The following TNS3 variants were observed in gnomAD, a reference collection of about 807,000 sequenced individuals.
The protein encoded by TNS3 is tensin-3.
A neutral mutation model predicts 140.9 loss-of-function variants in TNS3; 45 were observed. The ratio of observed to expected loss-of-function variants is 0.32; its 90% CI spans 0.25 to 0.41. TNS3 has a LOEUF of 0.41. Among genes scored for constraint, TNS3 ranks in the 10% least tolerant of loss-of-function variants. The pLI is 1.00. For missense variants in TNS3, 1,716 were observed against 1,906.7 expected (o/e 0.90, Z 1.86); for synonymous variants, 815 against 788.4 (o/e 1.03, Z -0.56).
intron 20 of TNS3, among the ~76,000 whole-genome samples, chr7:47,326,484 T>TA (rs1338316771): frequency 1.3e-5 from 2 of 151,978 alleles, no homozygotes; most frequent in Non-Finnish European, 2.9e-5. Context: ...CCCTGGGGAT[T>TA]AGGAAGGCAC....
rs199972731 is a variant in TNS3, at chr7:47,400,789, G to A, written c.849C>T (p.Ser283=). ...VFGKEDLDNA[S]KDDRFPDYGK... The stretch of plus-strand genomic sequence containing the variant: ...GCCGCCAGCTCCGCGCCTCACCTTT[G>A]CTGGCATTGTCCAGATCCTCCTTCC... The change falls in exon 14 of 31, where the codon AGC becomes AGT. Residue 283 remains serine, a synonymous_variant. Transcript: ENST00000311160. The A allele has an allele frequency of 3.1e-5, 50 of 1,613,926 alleles. No individual in the cohort carries two copies. The Middle Eastern group carries it at 8.2e-4, about 27-fold the overall frequency.
At chr7:47,304,245 G>A (rs925295119) in intron 21 of TNS3, among the ~76,000 whole-genome samples, 4 of 152,146 alleles carry the variant, frequency 2.6e-5, no homozygotes, top group East Asian at 1.9e-4. Flanking sequence ...AACCACTTAC[G>A]AGTACGGAAA....
At chr7:47,471,404 G>A (rs913531661) in intron 4 of TNS3, among the ~76,000 whole-genome samples, 20 of 152,274 alleles carry the variant, frequency 1.3e-4, no homozygotes, top group African/African-American at 4.1e-4. Context: ...AAGGGCAGCC[G>A]TCCTGGGTCC....
intron 1 of TNS3, among the ~76,000 whole-genome samples, chr7:47,575,242 T>C (rs2152024062): frequency 6.6e-6 from 1 of 152,336 alleles, no homozygotes; most frequent in South Asian, 2.1e-4. Context: ...GTCATATTTA[T>C]GCAGAGCTAT....
At chr7:47,321,992 C>G (rs535727882) in intron 20 of TNS3, among the ~76,000 whole-genome samples, 2 of 152,022 alleles carry the variant, frequency 1.3e-5, no homozygotes, top group East Asian at 3.9e-4. Context: ...GAGGACTTCC[C>G]GACCCTCCCA....
rs150106588 is a variant in TNS3, at chr7:47,431,589, C to T, written c.325-3213G>A. On this transcript the variant is annotated intron_variant, in intron 8 of 30. Transcript: ENST00000311160. ...GCCTGGTGACAGAGTGAGACTCCGT[C>T]TCAAAAAACAAAACAAAACACAAAA... Among the ~76,000 whole-genome samples the T allele has an allele frequency of 2.7e-3, 409 of 152,122 alleles. 21 individuals are homozygous for T. In the East Asian group the frequency reaches 0.075, roughly 28 times the overall value.
chr7:47,426,680 A>G (rs1278272424), intron 9 of TNS3, among the ~76,000 whole-genome samples: 2 of 152,134 alleles, frequency 1.3e-5, no homozygotes, highest in African/African-American at 4.8e-5. Context: ...CAGCTGAAAT[A>G]CATATTGACT....
At chr7:47,477,593 G>C (rs80317525) in intron 4 of TNS3, among the ~76,000 whole-genome samples, 2 of 152,150 alleles carry the variant, frequency 1.3e-5, no homozygotes, top group African/African-American at 4.8e-5. Flanking sequence ...AGACAGAATA[G>C]GTACTCAATG....
chr7:47,393,672 G>A (rs1236966066), intron 16 of TNS3, among the ~76,000 whole-genome samples: 3 of 152,148 alleles, frequency 2.0e-5, no homozygotes, highest in Non-Finnish European at 4.4e-5. Context: ...TCCCTGAGGA[G>A]TCTGGGCATG....
At chr7:47,408,100 G>A (rs1225149459) in intron 13 of TNS3, among the ~76,000 whole-genome samples, 1 of 152,124 alleles carries the variant, frequency 6.6e-6, no homozygotes, top group African/African-American at 2.4e-5. Context: ...ACAGGTAGAA[G>A]ACCAGGAGGA....
Position 47,439,628 on chromosome 7 carries a change from C to T in TNS3, c.9G>A (p.Glu3=). The T allele has an allele frequency of 6.2e-7, 1 of 1,614,054 alleles. No homozygotes were observed. Among genetic ancestry groups the T allele is most frequent in the Non-Finnish European group, 8.5e-7 (1 of 1,179,974 alleles). ME[E]GHGLDLTYIT... is the part of the protein sequence containing the mutation. The stretch of plus-strand genomic sequence containing the variant: ...TGTAAGTGAGGTCCAGCCCATGGCC[C>T]TCCTCCATGGTGGGACTCAGGATGA... Residue 3 remains glutamate, a synonymous_variant, in exon 6 of 31, where the codon GAG becomes GAA. Coordinates refer to ENST00000311160, the MANE Select transcript of TNS3 (RefSeq NM_022748.12).
chr7:47,319,185 G>T (rs1787585994), intron 20 of TNS3, among the ~76,000 whole-genome samples: 1 of 152,178 alleles, frequency 6.6e-6, no homozygotes, highest in African/African-American at 2.4e-5. Context: ...TTAAAAAGAG[G>T]TTTATTTGGC....
At chr7:47,315,354 C>T (rs190326397) in intron 20 of TNS3, among the ~76,000 whole-genome samples, 3 of 152,354 alleles carry the variant, frequency 2.0e-5, no homozygotes, top group South Asian at 2.1e-4. Flanking sequence ...TGCTGCGGGG[C>T]AGCCCCCCGG....
chr7:47,467,688 C>T (rs1796779616), intron 4 of TNS3, among the ~76,000 whole-genome samples: 1 of 152,144 alleles, frequency 6.6e-6, no homozygotes, highest in Non-Finnish European at 1.5e-5. Context: ...GCCATGGTAC[C>T]TGCTTCTCTA....
intron 1 of TNS3, among the ~76,000 whole-genome samples, chr7:47,547,988 C>T (rs1365062733): frequency 6.6e-6 from 1 of 152,236 alleles, no homozygotes; most frequent in Non-Finnish European, 1.5e-5. Context: ...GCAACCTCTG[C>T]CTCCCAGGTG....
chr7:47,559,164 A>G (rs531546993), intron 1 of TNS3, among the ~76,000 whole-genome samples: 44 of 152,316 alleles, frequency 2.9e-4, no homozygotes, highest in African/African-American at 1.0e-3. Flanking sequence ...AGTCTGGCCA[A>G]TATGGTGAAA....
chr7:47,289,354 C>G (rs1785579471), intron 27 of TNS3, among the ~76,000 whole-genome samples: 2 of 152,154 alleles, frequency 1.3e-5, no homozygotes, highest in Non-Finnish European at 2.9e-5. Flanking sequence ...AAACTTAAAA[C>G]AGTTTTGAAA....
intron 1 of TNS3, among the ~76,000 whole-genome samples, chr7:47,543,460 G>A (rs891656883): frequency 6.6e-6 from 1 of 152,250 alleles, no homozygotes; most frequent in Admixed American, 6.5e-5. Context: ...CTGCGGTGAG[G>A]GGGCTTTCGC....
intron 4 of TNS3, among the ~76,000 whole-genome samples, chr7:47,463,881 G>A (rs1796592575): frequency 6.6e-6 from 1 of 152,146 alleles, no homozygotes; most frequent in African/African-American, 2.4e-5. Flanking sequence ...CACAAGTAAT[G>A]AAAATCAACT....
Sources: gnomAD v4.1 joint callset for allele counts (sites outside exome capture counted in the v4.1 genomes callset) on GRCh38, gnomAD v4.1.1 for gene constraint, MANE v1.5 for transcripts, NCBI Gene and HGNC (gene_info 2026-07-23, HGNC 2026-07-21) for gene names.